Variants in RXFP2 observed in about 807,000 individuals in gnomAD.
The protein encoded by RXFP2 is relaxin family peptide receptor 2, also known as relaxin receptor 2.
RXFP2 carries 68 observed loss-of-function variants against 88.6 expected under a neutral mutation model. The observed-to-expected ratio is 0.77, with a 90% CI of 0.63 to 0.94. The LOEUF (loss-of-function observed/expected upper bound fraction) is 0.94. RXFP2 is among the 40% of genes least tolerant of loss of function. The pLI is 0.00. For synonymous variants in RXFP2, 329 were observed against 306.8 expected (o/e 1.07, Z -0.76); for missense variants, 791 against 893.9 (o/e 0.88, Z 1.47).
At chr13:31,789,319 T>C in intron 14 of RXFP2, 126 bp downstream of exon 14, 1 of 714,760 alleles carries the variant, frequency 1.4e-6, no homozygotes. Context: ...GAGAACTTTT[T>C]AATTTTGTCA....
intron 1 of RXFP2, among the ~76,000 whole-genome samples, chr13:31,752,582 A>C (rs1871719083): frequency 6.6e-6 from 1 of 152,176 alleles, no homozygotes; most frequent in African/African-American, 2.4e-5. Context: ...CCAAGAGGCC[A>C]ATTTCTCTTC....
intron 5 of RXFP2, among the ~76,000 whole-genome samples, chr13:31,768,839 G>A (rs1872641573): frequency 6.6e-6 from 1 of 151,978 alleles, no homozygotes; most frequent in African/African-American, 2.4e-5. Context: ...CCTACTTCTT[G>A]TCCCTCCTGT....
intron 2 of RXFP2, 111 bp downstream of exon 2, chr13:31,758,515 G>A: frequency 3.1e-6 from 4 of 1,298,038 alleles, no homozygotes; most frequent in East Asian, 2.3e-5. Flanking sequence ...TTGGTGTTCT[G>A]TAGGGATTTC....
chr13:31,760,177 C>T (rs1319220451), intron 2 of RXFP2, among the ~76,000 whole-genome samples: 1 of 152,132 alleles, frequency 6.6e-6, no homozygotes, highest in Non-Finnish European at 1.5e-5. Context: ...CAACCTCTGC[C>T]TCCTGGGTTC....
chr13:31,775,132 A>T (rs1260590216), intron 6 of RXFP2, among the ~76,000 whole-genome samples, 186 bp from the exon 7 acceptor site: 1 of 152,240 alleles, frequency 6.6e-6, no homozygotes, highest in Non-Finnish European at 1.5e-5. Context: ...TGTTGCACAC[A>T]CTGGGCTTGT....
At chr13:31,775,693 G>T (rs1872916104) in intron 7 of RXFP2, among the ~76,000 whole-genome samples, 2 of 152,144 alleles carry the variant, frequency 1.3e-5, no homozygotes, top group Admixed American at 6.5e-5. Context: ...ATGTCCCTTG[G>T]GAGGAAAAAT....
At chr13:31,756,776 A>T (rs1449707278) in intron 1 of RXFP2, among the ~76,000 whole-genome samples, 1 of 151,908 alleles carries the variant, frequency 6.6e-6, no homozygotes, top group Non-Finnish European at 1.5e-5. Context: ...ACGTGCCACC[A>T]TGCCTGACTA....
intron 9 of RXFP2, among the ~76,000 whole-genome samples, chr13:31,779,512 T>C (rs1195522705): frequency 1.3e-5 from 2 of 152,214 alleles, no homozygotes; most frequent in Non-Finnish European, 2.9e-5. Context: ...ATGGATGTAC[T>C]AAACCATTTC....
intron 1 of RXFP2, among the ~76,000 whole-genome samples, chr13:31,740,551 G>C (rs1871190539): frequency 6.6e-6 from 1 of 151,668 alleles, no homozygotes; most frequent in Non-Finnish European, 1.5e-5. Flanking sequence ...ATTCGTTTTA[G>C]GTTTTTTAAA....
intron 3 of RXFP2, among the ~76,000 whole-genome samples, chr13:31,763,208 C>T (rs912670523): frequency 3.3e-5 from 5 of 151,684 alleles, no homozygotes; most frequent in African/African-American, 1.2e-4. Context: ...ACTCAGCCTC[C>T]TGAGTAGCTG....
At position 31,758,661 on chromosome 13, in the gene RXFP2, C is replaced by A. The variant is rs188447049; in HGVS notation, c.241+257C>A. 6.3e-4 allele frequency among the ~76,000 whole-genome samples: 96 copies of A among 152,260 alleles called. 2 individuals are homozygous for A. Among genetic ancestry groups the A allele is most frequent in the Middle Eastern group, 6.8e-3 (2 of 294 alleles). ...TAAAAATAAAATTATATTTGAAAAT[C>A]TACTTCAATACTCATATTTTAATTA... On this transcript the variant is annotated intron_variant, in intron 2 of 17. Transcript: ENST00000298386.
rs1872068402 is a variant in RXFP2, at chr13:31,758,326, C to A, written c.163C>A (p.Leu55Ile). Reference sequence around the variant, plus strand: ...AAAAGGATATTTTCCCTGTGGGAATCTTACCAAGTGCTTACCCCGAGCTTT... The same window carrying A: ...AAAAGGATATTTTCCCTGTGGGAATATTACCAAGTGCTTACCCCGAGCTTT... The part of the protein sequence containing the change: ...CQKGYFPCGN[L>I]TKCLPRAFHC... The change falls in exon 2 of 18, where the codon CTT becomes ATT. Residue 55 changes from leucine (L) to isoleucine (I), a missense_variant. Transcript: ENST00000298386. 2 of 1,614,122 alleles carry A rather than the reference C, an allele frequency of 1.2e-6. No homozygotes were observed. Among genetic ancestry groups the A allele is most frequent in the Non-Finnish European group, 1.7e-6 (2 of 1,179,998 alleles).
At chr13:31,776,951 A>T (rs770377448) in intron 7 of RXFP2, among the ~76,000 whole-genome samples, 1 of 152,144 alleles carries the variant, frequency 6.6e-6, no homozygotes. Context: ...CATCAGTTTA[A>T]CACCATGTGA....
At chr13:31,777,252 A>G in intron 7 of RXFP2, 124 bp from the exon 8 acceptor site, 1 of 685,032 alleles carries the variant, frequency 1.5e-6, no homozygotes, top group Non-Finnish European at 2.7e-6. Context: ...AAAAGCTCTC[A>G]GGGAAGGGAC....
intron 12 of RXFP2, 26 bp downstream of exon 12, chr13:31,786,480 A>T: frequency 6.4e-7 from 1 of 1,570,374 alleles, no homozygotes; most frequent in Non-Finnish European, 8.8e-7. Context: ...CACCATAATC[A>T]GATTTAAAGG....
At chr13:31,798,321 G>A (rs1485824001) in intron 17 of RXFP2, among the ~76,000 whole-genome samples, 1 of 152,150 alleles carries the variant, frequency 6.6e-6, no homozygotes, top group Non-Finnish European at 1.5e-5. Flanking sequence ...ATCCTCTTAA[G>A]CTATCAGTTC....
chr13:31,783,983 A>AT (rs10686799), intron 11 of RXFP2, among the ~76,000 whole-genome samples: 5,612 of 121,526 alleles, frequency 0.046, 269 homozygotes, highest in African/African-American at 0.1. Context: ...TGCCTGGCTA[A>AT]TTTTTTTTTT....
chr13:31,756,134 C>T (rs12854222), intron 1 of RXFP2, among the ~76,000 whole-genome samples: 77,250 of 151,988 alleles, frequency 0.51, 20,377 homozygotes, highest in Admixed American at 0.6. Flanking sequence ...AAACTCCAAC[C>T]CCTGCCCTTT....
intron 1 of RXFP2, among the ~76,000 whole-genome samples, chr13:31,745,921 G>A (rs1428230102): frequency 1.3e-5 from 2 of 152,146 alleles, no homozygotes; most frequent in Non-Finnish European, 2.9e-5. Context: ...CTACACAAAC[G>A]TTAAGAGATT....
Sources: allele counts gnomAD v4.1 joint callset (sites outside exome capture counted in the v4.1 genomes callset), GRCh38; gene constraint gnomAD v4.1.1; transcripts MANE v1.5; gene names NCBI Gene and HGNC (gene_info 2026-07-23, HGNC 2026-07-21).